Variants in SLC9A3 observed in about 807,000 individuals in gnomAD.
The protein encoded by SLC9A3 is solute carrier family 9 member A3, also known as sodium/hydrogen exchanger 3.
In SLC9A3, 37 loss-of-function variants were observed where a neutral mutation model predicts 86.8. That is an observed-to-expected ratio of 0.43 (90% CI 0.33 to 0.56). The LOEUF is 0.56. Among genes scored for constraint, SLC9A3 ranks in the 20% least tolerant of loss-of-function variants. The pLI is 0.06. For missense variants in SLC9A3, 1,011 were observed against 1,171.9 expected (o/e 0.86, Z 2.00); for synonymous variants, 581 against 528.3 (o/e 1.10, Z -1.37).
rs766076837 is a variant in SLC9A3, at chr5:496,872, G to T, written c.212-4801C>A. ...TCGAGACCAGCCTGGGCAACATGGCGAAACCCCATCTTTACAAAAAAAAAT... is the reference window on the plus strand; with the variant it reads ...TCGAGACCAGCCTGGGCAACATGGCTAAACCCCATCTTTACAAAAAAAAAT... On this transcript the variant is annotated intron_variant, in intron 1 of 16. Coordinates refer to ENST00000264938, the MANE Select transcript of SLC9A3 (RefSeq NM_004174.4). This position sits in a 1 kb window ranked among gnomAD's most constrained non-coding sequence, Gnocchi z 4.7. Among the ~76,000 whole-genome samples, 14 of 151,998 alleles carry T rather than the reference G, an allele frequency of 9.2e-5. No individual in the cohort carries two copies. In the South Asian group the frequency reaches 1.7e-3, roughly 18 times the overall value.
Position 471,601 on chromosome 5 carries a change from G to C in SLC9A3, c.*1778C>G, listed in dbSNP as rs1390904180. Reference sequence around the variant, plus strand: ...GCAGCAGGGAACCAGGGCTGGCCTTGGATCTGTCCAGTAGGGTCACTGACT... The same window carrying C: ...GCAGCAGGGAACCAGGGCTGGCCTTCGATCTGTCCAGTAGGGTCACTGACT... On this transcript the variant is annotated 3_prime_UTR_variant, in exon 17 of 17. Coordinates refer to ENST00000264938, the MANE Select transcript of SLC9A3 (RefSeq NM_004174.4). The C allele has an allele frequency of 8.3e-6, 3 of 363,334 alleles. No individual in the cohort carries two copies. The highest frequency in any genetic ancestry group is 4.1e-5 in the South Asian group (2 of 48,662). 22.5% of individuals were successfully genotyped at this position (363,334 alleles called of 1,614,324 possible).
chr5:513,459 G>A (rs780530254), intron 1 of SLC9A3, among the ~76,000 whole-genome samples: 41 of 152,130 alleles, frequency 2.7e-4, no homozygotes, highest in Non-Finnish European at 5.1e-4. Context: ...CTAAAAGCAC[G>A]TGGCCCCTCT....
chr5:483,464 G>A lies in SLC9A3; in HGVS notation c.951C>T (p.Ile317=), dbSNP rs1160609040. ...SAILAITFCG[I]CCQKYVKANI... ...TGGCCTTCACATACTTCTGACAGCA[G>A]ATGCCACAGAAGGTGATGCTGCAGG... is the stretch of plus-strand genomic sequence containing the variant. Residue 317 remains isoleucine (I), a synonymous_variant, in exon 6 of 17, where the codon ATC becomes ATT. Coordinates refer to ENST00000264938, the MANE Select transcript of SLC9A3 (RefSeq NM_004174.4). The A allele has an allele frequency of 1.3e-6, 2 of 1,580,058 alleles. No individual in the cohort carries two copies. The highest frequency in any genetic ancestry group is 4.6e-5 in the East Asian group (2 of 43,068).
At chr5:518,308 TACCCTGAGACCTGGC>T (rs902979674) in intron 1 of SLC9A3, among the ~76,000 whole-genome samples, 5 of 152,130 alleles carry the variant, frequency 3.3e-5, no homozygotes, top group African/African-American at 7.2e-5. Context: ...CAGGACCTGG[TACCCTGAGACCTGGC>T]ACCCTGAGAC....
rs190873192 is a variant in SLC9A3 at position 496,276 on chromosome 5, G to C, written c.212-4205C>G. On this transcript the variant is annotated intron_variant, in intron 1 of 16. Transcript: ENST00000264938. The surrounding 1 kb of genome is among the most constrained non-coding windows in gnomAD (Gnocchi z 4.7). ...TCTTCAGGGTGTGTGTGTGTTGAGA[G>C]CTCACCTGTGTCCTCCTGCATGGGA... Among the ~76,000 whole-genome samples the C allele has an allele frequency of 5.8e-3, 887 of 152,324 alleles. 3 individuals are homozygous for C. The highest frequency in any genetic ancestry group is 7.8e-3 in the Non-Finnish European group (530 of 68,026).
rs112237682 is a variant in SLC9A3 at position 521,468 on chromosome 5, G to C, written c.211+2644C>G. ...CCAGGTTACAAATGGCTTGAAGAAG[G>C]CTGGGGCTGTGAGTTAGAAACTCTC... On this transcript the variant is annotated intron_variant, in intron 1 of 16. Transcript: ENST00000264938. 2.4e-4 allele frequency among the ~76,000 whole-genome samples: 36 copies of C among 152,366 alleles called. 3 individuals carry two copies. The highest frequency in any genetic ancestry group is 7.5e-4 in the African/African-American group (31 of 41,582).
chr5:484,552 C>T lies in SLC9A3; in HGVS notation c.900G>A (p.Thr300=), dbSNP rs375290809. The T allele has an allele frequency of 2.8e-5, 45 of 1,613,114 alleles. No homozygotes were observed. Among genetic ancestry groups the T allele is most frequent in the South Asian group, 1.4e-4 (13 of 91,088 alleles). ...VFIISYLSYL[T]SEMLSLSAIL... ...TGGCCGACAGCGACAGCATCTCGGACGTCAGGTAGGACAGGTAGGAGATGA... is the reference window on the plus strand; with the variant it reads ...TGGCCGACAGCGACAGCATCTCGGATGTCAGGTAGGACAGGTAGGAGATGA... Residue 300 remains threonine, a synonymous_variant, in exon 5 of 17, where the codon ACG becomes ACA. Coordinates refer to ENST00000264938, the MANE Select transcript of SLC9A3 (RefSeq NM_004174.4).
At chr5:482,974 G>C (rs1248675610) in intron 6 of SLC9A3, among the ~76,000 whole-genome samples, 1 of 151,792 alleles carries the variant, frequency 6.6e-6, no homozygotes, top group Non-Finnish European at 1.5e-5. Flanking sequence ...ACGGGTGCTG[G>C]GGGATGGGGC....
chr5:477,975 GGTT>G (rs1738866994), intron 10 of SLC9A3: 1 of 153,406 alleles, frequency 6.5e-6, no homozygotes, highest in South Asian at 2.0e-4. Context: ...GAGAGCATGA[GGTT>G]GTGCAGGAGC....
rs1738320983 is a variant in SLC9A3, at chr5:470,974, C to G, written c.*2405G>C. On this transcript the variant is annotated 3_prime_UTR_variant, in exon 17 of 17. Transcript: ENST00000264938. ...TGACAGGAACGTGGGGATCCCCACTCATGACGAGTCCCTAGCACTCAGCCC... is the reference window on the plus strand; with the variant it reads ...TGACAGGAACGTGGGGATCCCCACTGATGACGAGTCCCTAGCACTCAGCCC... The G allele has an allele frequency of 6.6e-6, 1 of 152,372 alleles. No homozygotes were observed. Among genetic ancestry groups the G allele is most frequent in the Admixed American group, 6.5e-5 (1 of 15,286 alleles). The allele number at this position is 152,372 out of a possible 1,614,324, so 9.4% of individuals were successfully genotyped here. A position where few individuals can be genotyped will look rare whatever the true frequency, so the allele number is the denominator to read the frequency against.
chr5:482,700 C>G lies in SLC9A3; in HGVS notation c.1204G>C (p.Glu402Gln). 1 of 1,612,162 alleles carries G rather than the reference C, an allele frequency of 6.2e-7. No homozygotes were observed. The change falls in exon 7 of 17, where the codon GAG (glutamate) becomes CAG (glutamine). Residue 402 changes from glutamate to glutamine, a missense_variant. By Grantham distance (29) the Glu-to-Gln change is conservative (BLOSUM62 2). Coordinates refer to ENST00000264938, the MANE Select transcript of SLC9A3 (RefSeq NM_004174.4). Reference sequence around the variant, plus strand: ...GACAGGACCACCTGGTCAATGGGCTCCAGCTGCACCATGCGGTAGCGGTTC... The same window carrying G: ...GACAGGACCACCTGGTCAATGGGCTGCAGCTGCACCATGCGGTAGCGGTTC... ...LLNRYRMVQL[E>Q]PIDQVVLSYG...
intron 7 of SLC9A3, among the ~76,000 whole-genome samples, 167 bp downstream of exon 7, chr5:482,381 T>A (rs1739246124): frequency 6.6e-6 from 1 of 152,132 alleles, no homozygotes; most frequent in South Asian, 2.1e-4. Flanking sequence ...ACAATTATGC[T>A]TCCTCCCCAG....
At chr5:502,131 C>G (rs1421646226) in intron 1 of SLC9A3, among the ~76,000 whole-genome samples, 1 of 152,242 alleles carries the variant, frequency 6.6e-6, no homozygotes, top group Non-Finnish European at 1.5e-5. Flanking sequence ...CCACGGTTCC[C>G]TAGAGAATCA....
chr5:474,775 G>A lies in SLC9A3; in HGVS notation c.2501+108C>T. ...GGAGACCTGGAGGGAGAGGAGCTGC[G>A]GAGAGGGGTTAGGCGGGGAGGGAGA... is the stretch of plus-strand genomic sequence containing the variant. On this transcript the variant is annotated intron_variant, in intron 16 of 16. Transcript: ENST00000264938. 3.8e-5 allele frequency: 2 copies of A among 52,478 alleles called. 1 individual carries two copies. The highest frequency in any genetic ancestry group is 2.0e-4 in the East Asian group (2 of 9,898). The allele number at this position is 52,478 out of a possible 1,614,324, so 3.3% of individuals were successfully genotyped here.
At chr5:508,871 G>A (rs1388334462) in intron 1 of SLC9A3, among the ~76,000 whole-genome samples, 2 of 152,206 alleles carry the variant, frequency 1.3e-5, no homozygotes, top group South Asian at 2.1e-4. Flanking sequence ...CACTTTGGGA[G>A]GCTAACGCAG....
rs1191640695 is a variant in SLC9A3, at chr5:479,921, C to T, written c.1562G>A (p.Arg521Lys). 1 of 1,614,032 alleles carries T rather than the reference C, an allele frequency of 6.2e-7. No homozygotes were observed. Among genetic ancestry groups the T allele is most frequent in the Non-Finnish European group, 8.5e-7 (1 of 1,179,990 alleles). ...GTCTCGAGACTTCTGGGCCGACCGT[C>T]TCATGAGGACCCTGCTGAGGAACTT... is the stretch of plus-strand genomic sequence containing the variant. ...DRKFLSRVLM[R>K]RSAQKSRDRI... is the part of the protein sequence containing the mutation. Residue 521 changes from arginine to lysine, a missense_variant, in exon 10 of 17, where the codon AGA becomes AAA. Transcript: ENST00000264938.
Position 497,535 on chromosome 5 carries a change from G to A in SLC9A3, c.212-5464C>T, listed in dbSNP as rs1015547894. On this transcript the variant is annotated intron_variant, in intron 1 of 16. Transcript: ENST00000264938. This position sits in a 1 kb window ranked among gnomAD's most constrained non-coding sequence, Gnocchi z 5.4. Reference sequence around the variant, plus strand: ...GAGCCACTCGTTCACGTTTATCTCTGTCTGGTTGTCAGAATAAATTGTTTC... The same window carrying A: ...GAGCCACTCGTTCACGTTTATCTCTATCTGGTTGTCAGAATAAATTGTTTC... Among the ~76,000 whole-genome samples, 1 of 152,174 alleles carries A rather than the reference G, an allele frequency of 6.6e-6. No homozygotes were observed. The highest frequency in any genetic ancestry group is 2.4e-5 in the African/African-American group (1 of 41,438).
chr5:483,139 C>T, intron 6 of SLC9A3, 123 bp downstream of exon 6: 5 of 767,640 alleles, frequency 6.5e-6, no homozygotes, highest in Non-Finnish European at 1.1e-5. Flanking sequence ...CCATCAGGTC[C>T]TCTCCTCTGC....
intron 11 of SLC9A3, 169 bp downstream of exon 11, chr5:477,163 C>G: frequency 1.8e-6 from 1 of 569,542 alleles, no homozygotes. Flanking sequence ...AGTCTGGCCA[C>G]GGCCTAATAT....
Sources: allele counts gnomAD v4.1 joint callset (sites outside exome capture counted in the v4.1 genomes callset), GRCh38; gene constraint gnomAD v4.1.1; non-coding constraint Gnocchi (gnomAD v3.1); transcripts MANE v1.5; gene names NCBI Gene and HGNC (gene_info 2026-07-23, HGNC 2026-07-21).